Variants in PCDH9 observed in about 807,000 individuals in gnomAD.
PCDH9 encodes protocadherin-9.
PCDH9 carries 24 observed loss-of-function variants against 70.6 expected under a neutral mutation model. That is an observed-to-expected ratio of 0.34 (90% confidence interval 0.25 to 0.48). The LOEUF (loss-of-function observed/expected upper bound fraction) is 0.48. Among genes scored for constraint, PCDH9 ranks in the 20% least tolerant of loss-of-function variants. The pLI is 0.99. For missense variants in PCDH9, 1,281 were observed against 1,503.6 expected, an observed-to-expected ratio of 0.85 and a Z score of 2.45; for synonymous variants, 562 against 558.5, an observed-to-expected ratio of 1.01 and a Z score of -0.09.
intron 3 of PCDH9, among the ~76,000 whole-genome samples, chr13:66,779,870 T>C (rs1188901046): frequency 6.2e-5 from 4 of 64,452 alleles, no homozygotes; most frequent in African/African-American, 2.1e-4. Context: ...TATATATACA[T>C]ATATGTGTGT....
intron 2 of PCDH9, among the ~76,000 whole-genome samples, chr13:66,962,015 C>T (rs1215991312): frequency 6.6e-6 from 1 of 151,166 alleles, no homozygotes; most frequent in East Asian, 1.9e-4. Context: ...TGTGCCACGG[C>T]ACTCCAGCCT....
At chr13:67,160,361 C>T (rs192962080) in intron 2 of PCDH9, among the ~76,000 whole-genome samples, 68 of 152,152 alleles carry the variant, frequency 4.5e-4, no homozygotes, top group African/African-American at 1.5e-3. Context: ...CTGGCGAACA[C>T]GGTGAAACCC....
At chr13:66,425,980 G>A (rs957016087) in intron 4 of PCDH9, among the ~76,000 whole-genome samples, 1 of 151,540 alleles carries the variant, frequency 6.6e-6, no homozygotes, top group African/African-American at 2.4e-5. Context: ...TATAAATAAT[G>A]AAAGATAAGT....
At chr13:66,390,753 G>A (rs1234257419) in intron 4 of PCDH9, among the ~76,000 whole-genome samples, 1 of 151,610 alleles carries the variant, frequency 6.6e-6, no homozygotes, top group Non-Finnish European at 1.5e-5. Flanking sequence ...AAAAAATCTG[G>A]GCAAAATCAT....
At chr13:66,470,032 A>T (rs1160597129) in intron 4 of PCDH9, among the ~76,000 whole-genome samples, 1 of 152,148 alleles carries the variant, frequency 6.6e-6, no homozygotes, top group Non-Finnish European at 1.5e-5. Context: ...TGAACTACAG[A>T]GCCAGCTTCT....
chr13:66,612,194 G>T (rs74093387), intron 4 of PCDH9, among the ~76,000 whole-genome samples: 12,077 of 152,204 alleles, frequency 0.079, 533 homozygotes, highest in South Asian at 0.13. Context: ...GAAAGTCAAT[G>T]AATGCATAAG....
Position 66,434,173 on chromosome 13 carries a change from A to G in PCDH9, c.3341-129145T>C, listed in dbSNP as rs538740393. Among the ~76,000 whole-genome samples the G allele has an allele frequency of 2.6e-5, 4 of 152,078 alleles. No individual in the cohort carries two copies. The South Asian group carries it at 8.3e-4, about 31-fold the overall frequency. On this transcript the variant is annotated intron_variant, in intron 4 of 4. Coordinates refer to ENST00000377865, the MANE Select transcript of PCDH9 (RefSeq NM_203487.3). ...GAGAACTCTTATCAAAATCTGCAAG[A>G]AAGTCATATTTGACCACAGTTTATC...
At chr13:66,430,748 A>AAAT (rs1388969614) in intron 4 of PCDH9, among the ~76,000 whole-genome samples, 1 of 152,062 alleles carries the variant, frequency 6.6e-6, no homozygotes, top group Non-Finnish European at 1.5e-5. Context: ...TTAAAGGGAG[A>AAAT]CTTACATATA....
chr13:66,971,675 A>G (rs534788356), intron 2 of PCDH9, among the ~76,000 whole-genome samples: 1 of 152,158 alleles, frequency 6.6e-6, no homozygotes, highest in East Asian at 1.9e-4. Context: ...CAGGCAGCCC[A>G]TAAATTCCAT....
intron 4 of PCDH9, among the ~76,000 whole-genome samples, chr13:66,354,627 T>A (rs1033500772): frequency 6.6e-6 from 1 of 152,116 alleles, no homozygotes; most frequent in East Asian, 1.9e-4. Flanking sequence ...AGAGTGCAAC[T>A]GCTGAAAAAT....
chr13:66,369,487 T>C lies in PCDH9; in HGVS notation c.3341-64459A>G, dbSNP rs1430924080. Among the ~76,000 whole-genome samples, 6 of 152,200 alleles carry C rather than the reference T, an allele frequency of 3.9e-5. 1 individual carries two copies. The East Asian group carries it at 1.2e-3, about 29-fold the overall frequency. On this transcript the variant is annotated intron_variant, in intron 4 of 4. Transcript: ENST00000377865. ...CCTCTTTTCTTTAGTAAAATGCAAG[T>C]TTCTTGATGTAGAGAAGAGTTCTCT...
intron 3 of PCDH9, among the ~76,000 whole-genome samples, chr13:66,665,109 C>CTCT (rs1555318993): frequency 0.013 from 388 of 29,162 alleles, 5 homozygotes; most frequent in African/African-American, 0.061. Flanking sequence ...CTTTTCTCTC[C>CTCT]TTTTTTTTTT....
rs10559380 is a variant in PCDH9, at chr13:66,626,951, C to CTGTG, written c.3340+4255_3340+4258dup. On this transcript the variant is annotated intron_variant, in intron 4 of 4. Transcript: ENST00000377865. ...GCCAGTATTATTAGATCAAATGCCA[C>CTGTG]TGTGTGTGTGTGTGTGTGTGTGTGT... is the stretch of plus-strand genomic sequence containing the variant. Among the ~76,000 whole-genome samples the CTGTG allele has an allele frequency of 4.3e-3, 627 of 147,488 alleles. 3 individuals are homozygous for CTGTG. Among genetic ancestry groups the CTGTG allele is most frequent in the African/African-American group, 0.015 (591 of 40,092 alleles).
chr13:66,686,574 T>C (rs369311872), intron 3 of PCDH9, among the ~76,000 whole-genome samples: 1 of 152,238 alleles, frequency 6.6e-6, no homozygotes, highest in African/African-American at 2.4e-5. Flanking sequence ...AATAATATTA[T>C]AGAACAAATG....
chr13:66,998,952 G>A (rs2084179950), intron 2 of PCDH9, among the ~76,000 whole-genome samples: 1 of 152,170 alleles, frequency 6.6e-6, no homozygotes, highest in South Asian at 2.1e-4. Flanking sequence ...TCAGTCAATT[G>A]TTATCAACTG....
intron 2 of PCDH9, among the ~76,000 whole-genome samples, chr13:66,932,717 A>ATATG (rs1282511736): frequency 2.8e-5 from 4 of 144,446 alleles, no homozygotes; most frequent in Admixed American, 6.8e-5. Context: ...TCATACATAC[A>ATATG]TATGTATTTA....
intron 2 of PCDH9, among the ~76,000 whole-genome samples, chr13:66,988,173 C>T (rs1041971565): frequency 1.3e-5 from 2 of 151,924 alleles, no homozygotes; most frequent in African/African-American, 4.8e-5. Context: ...ATTTCTAAAA[C>T]CCAAGTAAAG....
chr13:67,085,972 T>C (rs938090603), intron 2 of PCDH9, among the ~76,000 whole-genome samples: 4 of 152,136 alleles, frequency 2.6e-5, no homozygotes, highest in African/African-American at 9.7e-5. Flanking sequence ...GACAATCCTG[T>C]GAAACTAAGC....
chr13:67,185,979 G>C (rs1341754884), intron 2 of PCDH9, among the ~76,000 whole-genome samples: 1 of 152,176 alleles, frequency 6.6e-6, no homozygotes, highest in Non-Finnish European at 1.5e-5. Context: ...TGATCTGCCT[G>C]CCTTGTCCTC....
Sources: allele counts gnomAD v4.1 joint callset (sites outside exome capture counted in the v4.1 genomes callset), GRCh38; gene constraint gnomAD v4.1.1; transcripts MANE v1.5; gene names NCBI Gene and HGNC (gene_info 2026-07-23, HGNC 2026-07-21).